The following KCNH7 variants were observed in gnomAD, a reference collection of about 807,000 sequenced individuals.
KCNH7 encodes the protein voltage-gated inwardly rectifying potassium channel KCNH7.
A neutral mutation model predicts 120.8 loss-of-function variants in KCNH7; 49 were observed. The observed-to-expected ratio is 0.41, with a 90% confidence interval of 0.32 to 0.51. The LOEUF (loss-of-function observed/expected upper bound fraction) is 0.51, where lower values mean the gene tolerates loss of function less well. Among genes scored for constraint, KCNH7 ranks in the 20% least tolerant of loss-of-function variants. The pLI, the probability that KCNH7 is intolerant of heterozygous loss-of-function variation, is 0.38. For missense variants in KCNH7, 1,097 were observed against 1,446.6 expected (o/e 0.76, Z 3.92); for synonymous variants, 547 against 516.1 (o/e 1.06, Z -0.81).
intron 2 of KCNH7, among the ~76,000 whole-genome samples, chr2:162,790,268 A>G (rs937800073): frequency 6.6e-6 from 1 of 151,954 alleles, no homozygotes; most frequent in African/African-American, 2.4e-5. Context: ...CACACCTACT[A>G]AGACTGAATC....
chr2:162,648,398 C>T (rs1480034397), intron 2 of KCNH7, among the ~76,000 whole-genome samples: 1 of 152,150 alleles, frequency 6.6e-6, no homozygotes, highest in African/African-American at 2.4e-5. Flanking sequence ...TCAGTCACCT[C>T]CCACCAGGTC....
intron 13 of KCNH7, among the ~76,000 whole-genome samples, chr2:162,382,290 T>C (rs915533517): frequency 5.3e-5 from 8 of 152,098 alleles, no homozygotes; most frequent in Admixed American, 1.3e-4. Flanking sequence ...TATAATTTAC[T>C]TTTTAATTAA....
At chr2:162,698,429 CTTTA>C (rs919034536) in intron 2 of KCNH7, among the ~76,000 whole-genome samples, 2 of 134,864 alleles carry the variant, frequency 1.5e-5, no homozygotes, top group East Asian at 2.1e-4. Flanking sequence ...TAATCGCCGT[CTTTA>C]TTTTTTTTTT....
chr2:162,563,643 G>A (rs1376698586), intron 2 of KCNH7, among the ~76,000 whole-genome samples: 1 of 152,080 alleles, frequency 6.6e-6, no homozygotes, highest in Admixed American at 6.6e-5. Context: ...AGTGAAAACT[G>A]AGCTCAAAAT....
chr2:162,632,485 C>T (rs1431112027), intron 2 of KCNH7, among the ~76,000 whole-genome samples: 1 of 151,698 alleles, frequency 6.6e-6, no homozygotes, highest in African/African-American at 2.4e-5. Context: ...AAACTCTCAA[C>T]ATTATATTTA....
chr2:162,526,334 A>G (rs1222734085), intron 3 of KCNH7, among the ~76,000 whole-genome samples: 3 of 151,950 alleles, frequency 2.0e-5, no homozygotes, highest in African/African-American at 4.8e-5. Context: ...ATTGTCATTG[A>G]TAACATCTTA....
chr2:162,554,050 C>T (rs1261347559), intron 2 of KCNH7, among the ~76,000 whole-genome samples: 2 of 152,158 alleles, frequency 1.3e-5, no homozygotes, highest in Non-Finnish European at 2.9e-5. Flanking sequence ...GTTGCTCATG[C>T]AACAGTAGCA....
At chr2:162,769,336 C>A (rs1485175526) in intron 2 of KCNH7, among the ~76,000 whole-genome samples, 2 of 152,124 alleles carry the variant, frequency 1.3e-5, no homozygotes, top group Non-Finnish European at 2.9e-5. Flanking sequence ...TCAAAATGCC[C>A]ACTTATCCCT....
At chr2:162,548,526 T>C (rs1297711935) in intron 2 of KCNH7, among the ~76,000 whole-genome samples, 3 of 152,160 alleles carry the variant, frequency 2.0e-5, no homozygotes. Context: ...ACTGCTATTG[T>C]CCATTTCTAC....
intron 2 of KCNH7, among the ~76,000 whole-genome samples, chr2:162,720,113 A>G (rs369673942): frequency 3.9e-5 from 6 of 151,986 alleles, no homozygotes; most frequent in Non-Finnish European, 8.8e-5. Flanking sequence ...GCTGAATCCA[A>G]CTGGATTTGC....
intron 2 of KCNH7, among the ~76,000 whole-genome samples, chr2:162,777,053 A>G (rs1289088836): frequency 2.0e-5 from 3 of 152,166 alleles, no homozygotes; most frequent in Non-Finnish European, 4.4e-5. Context: ...AAAGGCTGTG[A>G]TTTAACATCA....
At chr2:162,617,664 ATTGT>A (rs1294759745) in intron 2 of KCNH7, among the ~76,000 whole-genome samples, 1 of 152,114 alleles carries the variant, frequency 6.6e-6, no homozygotes, top group Non-Finnish European at 1.5e-5. Context: ...CAACACAGAA[ATTGT>A]TTGGAGAAAA....
At chr2:162,525,356 A>C (rs1380849379) in intron 3 of KCNH7, among the ~76,000 whole-genome samples, 3 of 151,916 alleles carry the variant, frequency 2.0e-5, no homozygotes, top group African/African-American at 7.2e-5. Flanking sequence ...AAATGTTGAC[A>C]ATATCTGAGG....
Position 162,394,468 on chromosome 2 carries a change from T to C in KCNH7, c.2631A>G (p.Ser877=), listed in dbSNP as rs751514941. Reference sequence around the variant, plus strand: ...CTCCTTCTGAATCATTCATGGATTGTGATCGTAGGAGATCAGCCTTTGTTA... The same window carrying C: ...CTCCTTCTGAATCATTCATGGATTGCGATCGTAGGAGATCAGCCTTTGTTA... ...HESAKADLLR[S]QSMNDSEGDN... The change falls in exon 12 of 16, where the codon TCA becomes TCG. Residue 877 remains serine (S), a synonymous_variant. Transcript: ENST00000332142. The C allele has an allele frequency of 3.1e-6, 5 of 1,602,026 alleles. No individual in the cohort carries two copies. In the South Asian group the frequency reaches 4.4e-5, roughly 14 times the overall value.
intron 5 of KCNH7, among the ~76,000 whole-genome samples, chr2:162,511,419 G>T (rs1445761429): frequency 6.9e-6 from 1 of 144,168 alleles, no homozygotes; most frequent in African/African-American, 2.6e-5. Flanking sequence ...TTATGTCAAT[G>T]CAAACCACCA....
intron 6 of KCNH7, among the ~76,000 whole-genome samples, chr2:162,499,342 A>T (rs1221074952): frequency 6.6e-6 from 1 of 152,076 alleles, no homozygotes; most frequent in Non-Finnish European, 1.5e-5. Context: ...TTTTCTTACA[A>T]TTCATTGTTT....
At chr2:162,575,715 T>C (rs957465444) in intron 2 of KCNH7, among the ~76,000 whole-genome samples, 1 of 152,128 alleles carries the variant, frequency 6.6e-6, no homozygotes, top group Non-Finnish European at 1.5e-5. Flanking sequence ...TTCTTCTGCA[T>C]GTAACTGCAT....
At chr2:162,807,283 A>AAAAAAAAAAAAG (rs71009372) in intron 2 of KCNH7, among the ~76,000 whole-genome samples, 1 of 148,454 alleles carries the variant, frequency 6.7e-6, no homozygotes, top group African/African-American at 2.5e-5. Flanking sequence ...AAAAAAAAAA[A>AAAAAAAAAAAAG]CAAATTAGCC....
intron 3 of KCNH7, among the ~76,000 whole-genome samples, chr2:162,524,100 T>C (rs1350611866): frequency 6.6e-6 from 1 of 151,880 alleles, no homozygotes; most frequent in Non-Finnish European, 1.5e-5. Context: ...TTCCTGAAAG[T>C]AGATTGTGAA....
Sources: allele counts gnomAD v4.1 joint callset (sites outside exome capture counted in the v4.1 genomes callset), GRCh38; gene constraint gnomAD v4.1.1; transcripts MANE v1.5; gene names NCBI Gene and HGNC (gene_info 2026-07-23, HGNC 2026-07-21).